SAMD12: variants seen among roughly 807,000 people sequenced by gnomAD.
SAMD12 encodes sterile alpha motif domain containing 12.
A neutral mutation model predicts 15.0 loss-of-function variants in SAMD12; 9 were observed. The ratio of observed to expected loss-of-function variants is 0.60; its 90% CI spans 0.36 to 1.05. The LOEUF is 1.05. SAMD12 is among the 50% of genes least tolerant of loss of function. The pLI is 0.01. For synonymous variants in SAMD12, 86 were observed against 90.1 expected, an observed-to-expected ratio of 0.96 and a Z score of 0.25; for missense variants, 230 against 234.2, an observed-to-expected ratio of 0.98 and a Z score of 0.12.
intron 4 of SAMD12, chr8:118,282,274 G>T (rs1563729810): frequency 1.5e-5 from 7 of 456,074 alleles, no homozygotes; most frequent in Non-Finnish European, 3.1e-5. Flanking sequence ...TTTAACTTGG[G>T]TCATTTAAGT....
At chr8:118,285,884 T>C (rs1001956028) in intron 4 of SAMD12, among the ~76,000 whole-genome samples, 3 of 151,972 alleles carry the variant, frequency 2.0e-5, no homozygotes, top group African/African-American at 7.3e-5. Context: ...GACCAAAGAG[T>C]TGGCTGGCTA....
chr8:118,411,335 A>G (rs1821396136), intron 3 of SAMD12, among the ~76,000 whole-genome samples: 1 of 152,214 alleles, frequency 6.6e-6, no homozygotes, highest in Non-Finnish European at 1.5e-5. Flanking sequence ...TCATCAAAGT[A>G]ACAAAGGTTT....
At chr8:118,521,369 T>C (rs1439142826) in intron 2 of SAMD12, among the ~76,000 whole-genome samples, 13 of 152,214 alleles carry the variant, frequency 8.5e-5, no homozygotes, top group Admixed American at 8.5e-4. Context: ...CACTCTCAGA[T>C]GCTGGCTGTG....
chr8:118,163,854 G>C, the SAMD12 span, among the ~76,000 whole-genome samples: 11 of 148,600 alleles, frequency 7.4e-5, no homozygotes, highest in African/African-American at 2.7e-4. Context: ...CAGCCTGGGA[G>C]ACAGAGCGAG....
At chr8:118,290,350 G>C (rs1279130945) in intron 4 of SAMD12, among the ~76,000 whole-genome samples, 1 of 152,152 alleles carries the variant, frequency 6.6e-6, no homozygotes, top group Non-Finnish European at 1.5e-5. Flanking sequence ...TAGACATTGA[G>C]AGATCTATAC....
chr8:118,189,198 G>A (rs1195905434), downstream of SAMD12, among the ~76,000 whole-genome samples: 1 of 152,054 alleles, frequency 6.6e-6, no homozygotes, highest in East Asian at 1.9e-4. Flanking sequence ...TATGCTGGTG[G>A]GATTTGGTGC....
chr8:118,373,168 T>C (rs1357898414), downstream of SAMD12, among the ~76,000 whole-genome samples: 2 of 152,146 alleles, frequency 1.3e-5, no homozygotes, highest in African/African-American at 4.8e-5. Flanking sequence ...GAATATACCT[T>C]AATAAAAACA....
chr8:118,419,130 C>T (rs563890618), intron 3 of SAMD12, among the ~76,000 whole-genome samples: 1 of 152,010 alleles, frequency 6.6e-6, no homozygotes, highest in Admixed American at 6.5e-5. Flanking sequence ...CTATTCTAGT[C>T]AACTGTGAAT....
rs538319550 is a variant in SAMD12 at position 118,613,509 on chromosome 8, A to C, written c.13+8295T>G. The stretch of plus-strand genomic sequence containing the variant: ...TCTTTCATATCATACTTGACTTTTC[A>C]TAGCATGATTATAAAGGAGATCATT... On this transcript the variant is annotated intron_variant, in intron 1 of 3. Coordinates refer to ENST00000314727, the MANE Select transcript of SAMD12 (RefSeq NM_207506.3). Among the ~76,000 whole-genome samples, 6 of 152,352 alleles carry C rather than the reference A, an allele frequency of 3.9e-5. No individual in the cohort carries two copies. The East Asian group carries it at 1.2e-3, about 29-fold the overall frequency.
chr8:118,409,830 G>A (rs1041866236), intron 3 of SAMD12, among the ~76,000 whole-genome samples: 5 of 151,880 alleles, frequency 3.3e-5, no homozygotes, highest in African/African-American at 1.2e-4. Flanking sequence ...TCACTCCAAA[G>A]TAAAACATTT....
intron 2 of SAMD12, among the ~76,000 whole-genome samples, chr8:118,465,012 C>G (rs1360576895): frequency 2.6e-5 from 4 of 152,138 alleles, no homozygotes; most frequent in African/African-American, 9.7e-5. Flanking sequence ...AGTGCCTGGT[C>G]CAGAGGAGGT....
chr8:118,195,196 C>T (rs1370719162), exon 5 of SAMD12: 1 of 152,110 alleles, frequency 6.6e-6, no homozygotes, highest in South Asian at 2.1e-4. Flanking sequence ...AACAATGAAC[C>T]ACCATCATTT....
chr8:118,408,605 T>A (rs1401385147), intron 3 of SAMD12, among the ~76,000 whole-genome samples: 1 of 152,178 alleles, frequency 6.6e-6, no homozygotes, highest in African/African-American at 2.4e-5. Flanking sequence ...CCATAAAACA[T>A]CATTCTTAAT....
intron 2 of SAMD12, among the ~76,000 whole-genome samples, chr8:118,531,979 C>T (rs201100042): frequency 6.6e-6 from 1 of 152,092 alleles, no homozygotes; most frequent in Non-Finnish European, 1.5e-5. Context: ...ATAGGAATGG[C>T]GAGCGAGGGC....
intron 1 of SAMD12, among the ~76,000 whole-genome samples, chr8:118,618,647 G>A (rs1369811615): frequency 6.6e-6 from 1 of 152,042 alleles, no homozygotes; most frequent in Non-Finnish European, 1.5e-5. Flanking sequence ...AGACCATCCT[G>A]GCTAACATGG....
At chr8:118,223,084 G>A (rs17507613) in intron 4 of SAMD12, among the ~76,000 whole-genome samples, 1,768 of 152,252 alleles carry the variant, frequency 0.012, 49 homozygotes, top group African/African-American at 0.041. Flanking sequence ...ACATATTCCA[G>A]CTTAAGCAGA....
chr8:118,214,025 A>G (rs1189532874), intron 4 of SAMD12, among the ~76,000 whole-genome samples: 3 of 152,190 alleles, frequency 2.0e-5, no homozygotes, highest in Non-Finnish European at 2.9e-5. Context: ...GGAAATTGAG[A>G]GTAGAGTTCA....
At chr8:118,490,936 A>G (rs113912793) in intron 2 of SAMD12, among the ~76,000 whole-genome samples, 432 of 41,124 alleles carry the variant, frequency 0.011, no homozygotes, top group South Asian at 0.049. Flanking sequence ...AAGAAGTGGG[A>G]AAAAAAAAAA....
intron 2 of SAMD12, among the ~76,000 whole-genome samples, chr8:118,533,654 T>C (rs1214416426): frequency 6.6e-6 from 1 of 152,254 alleles, no homozygotes; most frequent in Non-Finnish European, 1.5e-5. Context: ...ATTAGGATAG[T>C]TAGCTCTTCT....
Sources: gnomAD v4.1 joint callset for allele counts (sites outside exome capture counted in the v4.1 genomes callset) on GRCh38, gnomAD v4.1.1 for gene constraint, MANE v1.5 for transcripts, NCBI Gene and HGNC (gene_info 2026-07-23, HGNC 2026-07-21) for gene names.